The following DLG2 variants were observed in gnomAD, a reference collection of about 807,000 sequenced individuals.
The protein encoded by DLG2 is disks large homolog 2.
DLG2 carries 45 observed loss-of-function variants against 132.5 expected under a neutral mutation model. That is an observed-to-expected ratio of 0.34 (90% CI 0.27 to 0.44). The LOEUF (loss-of-function observed/expected upper bound fraction) is 0.44. Among genes scored for constraint, DLG2 ranks in the 20% least tolerant of loss-of-function variants. The pLI is 1.00. For missense variants in DLG2, 1,045 were observed against 1,196.9 expected (o/e 0.87, Z 1.87); for synonymous variants, 424 against 419.6 (o/e 1.01, Z -0.13).
intron 3 of DLG2, among the ~76,000 whole-genome samples, chr11:85,304,621 T>A (rs79123251): frequency 0.013 from 1,905 of 152,228 alleles, 30 homozygotes; most frequent in African/African-American, 0.042. Flanking sequence ...GTATTCAGAT[T>A]TGGGATGATC....
chr11:84,408,175 A>G (rs748345481), intron 7 of DLG2, among the ~76,000 whole-genome samples: 1 of 152,186 alleles, frequency 6.6e-6, no homozygotes, highest in African/African-American at 2.4e-5. Flanking sequence ...TAAATCAGAC[A>G]TTAGTTATTA....
At chr11:85,441,439 C>T (rs72951982) in intron 3 of DLG2, among the ~76,000 whole-genome samples, 4,454 of 152,174 alleles carry the variant, frequency 0.029, 108 homozygotes, top group East Asian at 0.1. Context: ...TTTCCTTTTC[C>T]TCCCTTCTGC....
At chr11:84,154,553 G>T (rs1470022616) in intron 9 of DLG2, among the ~76,000 whole-genome samples, 2 of 152,100 alleles carry the variant, frequency 1.3e-5, no homozygotes, top group Non-Finnish European at 2.9e-5. Flanking sequence ...TAATGTGCAG[G>T]TTTGTTACAT....
intron 3 of DLG2, among the ~76,000 whole-genome samples, chr11:85,342,019 C>T (rs1401617595): frequency 1.3e-5 from 2 of 152,154 alleles, no homozygotes; most frequent in Non-Finnish European, 2.9e-5. Context: ...TCTGATGAGT[C>T]AATGAGTGAG....
At chr11:83,717,482 G>A (rs1212878015) in intron 18 of DLG2, among the ~76,000 whole-genome samples, 2 of 152,202 alleles carry the variant, frequency 1.3e-5, no homozygotes, top group East Asian at 3.9e-4. Flanking sequence ...TAGGGGCTTA[G>A]TCACATAGTC....
intron 3 of DLG2, among the ~76,000 whole-genome samples, chr11:85,439,408 G>A (rs2091661073): frequency 6.8e-6 from 1 of 147,540 alleles, no homozygotes; most frequent in Non-Finnish European, 1.5e-5. Flanking sequence ...CGCCCAGGCT[G>A]CAGTGCAGTG....
chr11:83,903,771 C>T (rs567223666), intron 15 of DLG2, among the ~76,000 whole-genome samples: 7 of 152,142 alleles, frequency 4.6e-5, no homozygotes, highest in African/African-American at 1.7e-4. Context: ...CAAACTAAAC[C>T]TCCTGTCATT....
chr11:85,496,610 G>A (rs532466894), intron 3 of DLG2, among the ~76,000 whole-genome samples: 1 of 152,282 alleles, frequency 6.6e-6, no homozygotes, highest in South Asian at 2.1e-4. Context: ...CAGACAGACT[G>A]CTTCCTCAAG....
intron 15 of DLG2, among the ~76,000 whole-genome samples, chr11:83,890,069 C>T (rs1467014214): frequency 6.6e-6 from 1 of 151,836 alleles, no homozygotes; most frequent in Non-Finnish European, 1.5e-5. Flanking sequence ...ATGTAACTAA[C>T]CTGCACATTG....
At chr11:85,043,150 T>A (rs1051039308) in intron 6 of DLG2, among the ~76,000 whole-genome samples, 2 of 151,878 alleles carry the variant, frequency 1.3e-5, no homozygotes, top group African/African-American at 2.4e-5. Context: ...TATTGAACAT[T>A]TAGGTTATCA....
In DLG2 at chr11:83,962,952, G is replaced by A; in HGVS notation, c.1273C>T (p.Pro425Ser). 2 of 1,613,162 alleles carry A rather than the reference G, an allele frequency of 1.2e-6. No homozygotes were observed. Among genetic ancestry groups the A allele is most frequent in the Non-Finnish European group, 1.7e-6 (2 of 1,179,218 alleles). Residue 425 changes from proline to serine, a missense_variant, in exon 14 of 28, where the codon CCA (proline) becomes TCA (serine). By Grantham distance (74) the Pro-to-Ser change is moderately conservative. Transcript: ENST00000376104. ...GAGTACCTTCCTGGAGAGATGGGTGGCAGGGAGGTTTTATATTCTAAAGTG... is the reference window on the plus strand; with the variant it reads ...GAGTACCTTCCTGGAGAGATGGGTGACAGGGAGGTTTTATATTCTAAAGTG... ...NGTLEYKTSL[P>S]PISPGRYSPI...
chr11:85,389,325 A>T (rs558766491), intron 3 of DLG2, among the ~76,000 whole-genome samples: 192 of 152,336 alleles, frequency 1.3e-3, no homozygotes, highest in African/African-American at 4.6e-3. Flanking sequence ...ATAATTTTTT[A>T]AAAATGAACA....
intron 6 of DLG2, among the ~76,000 whole-genome samples, chr11:84,798,092 A>T (rs537721278): frequency 6.6e-6 from 1 of 152,200 alleles, no homozygotes; most frequent in East Asian, 1.9e-4. Flanking sequence ...CACTATAGCC[A>T]TGACGACTGG....
At chr11:85,502,574 C>G (rs1158511553) in intron 3 of DLG2, among the ~76,000 whole-genome samples, 1 of 150,890 alleles carries the variant, frequency 6.6e-6, no homozygotes, top group African/African-American at 2.4e-5. Flanking sequence ...ACCGCATGTT[C>G]TCACTTATAA....
At chr11:85,369,084 C>G (rs1350296737) in intron 3 of DLG2, among the ~76,000 whole-genome samples, 1 of 152,138 alleles carries the variant, frequency 6.6e-6, no homozygotes, top group Non-Finnish European at 1.5e-5. Context: ...ACTATTGCTC[C>G]TAAGCATTTT....
At chr11:85,386,830 A>G (rs1419631175) in intron 3 of DLG2, among the ~76,000 whole-genome samples, 1 of 151,498 alleles carries the variant, frequency 6.6e-6, no homozygotes, top group Admixed American at 6.6e-5. Context: ...GAAAGAGAGA[A>G]AGAGAGGGTA....
intron 18 of DLG2, among the ~76,000 whole-genome samples, chr11:83,695,831 A>T (rs1165018224): frequency 6.6e-6 from 1 of 152,182 alleles, no homozygotes; most frequent in African/African-American, 2.4e-5. Context: ...GGTTGAGATG[A>T]TGGTCTGGGC....
intron 7 of DLG2, among the ~76,000 whole-genome samples, chr11:84,502,214 C>CTCT (rs1567803466): frequency 2.6e-4 from 3 of 11,646 alleles, no homozygotes; most frequent in East Asian, 2.0e-3. Context: ...TTCCTTCCTT[C>CTCT]CTTCCTTCCT....
intron 18 of DLG2, among the ~76,000 whole-genome samples, chr11:83,715,135 C>T (rs1187291096): frequency 6.6e-6 from 1 of 152,034 alleles, no homozygotes; most frequent in Admixed American, 6.6e-5. Flanking sequence ...CTGGTAACTA[C>T]AATTTTAACT....
Sources: allele counts gnomAD v4.1 joint callset (sites outside exome capture counted in the v4.1 genomes callset), GRCh38; gene constraint gnomAD v4.1.1; transcripts MANE v1.5; gene names NCBI Gene and HGNC (gene_info 2026-07-23, HGNC 2026-07-21).